The following CLN3 variants were observed in gnomAD, a reference collection of about 807,000 sequenced individuals.
The protein encoded by CLN3 is CLN3 lysosomal/endosomal transmembrane protein, battenin.
A neutral mutation model predicts 60.7 loss-of-function variants in CLN3; 49 were observed. The observed-to-expected ratio is 0.81, with a 90% CI of 0.64 to 1.02. The LOEUF (loss-of-function observed/expected upper bound fraction) is 1.02. Among genes scored for constraint, CLN3 ranks in the 50% least tolerant of loss-of-function variants. The probability of loss-of-function intolerance (pLI) is 0.00; values close to 1 mark genes in which losing one functional copy is unlikely to be tolerated. For synonymous variants in CLN3, 256 were observed against 245.8 expected (o/e 1.04, Z -0.39); for missense variants, 516 against 557.4 (o/e 0.93, Z 0.75).
In CLN3 at chr16:28,487,494, A is replaced by G. The variant is rs2046239033; in HGVS notation, c.422T>C (p.Leu141Pro). 1.2e-6 allele frequency: 2 copies of G among 1,614,030 alleles called. No individual in the cohort carries two copies. The highest frequency in any genetic ancestry group is 1.7e-6 in the Non-Finnish European group (2 of 1,180,004). ...CCCCACAGAATGAGAAAAGGCAACC[A>G]GGACGAAGCTTCCAGCAGCACAAAT... is the stretch of plus-strand genomic sequence containing the variant. ...SGICAAGSFVLVAFSHSVGTS... is the reference protein window; with the variant it reads ...SGICAAGSFVPVAFSHSVGTS... The change falls in exon 7 of 16, where the codon CTG becomes CCG. Residue 141 changes from leucine (L) to proline (P), a missense_variant. By Grantham distance (98) the Leu-to-Pro change is moderately conservative. Transcript: ENST00000636147.
chr16:28,477,782 C>G lies in CLN3; in HGVS notation c.1152G>C (p.Leu384=), dbSNP rs762171432. The change falls in exon 15 of 16, where the codon CTG becomes CTC. Residue 384 remains leucine (L), a synonymous_variant. Coordinates refer to ENST00000636147, the MANE Select transcript of CLN3 (RefSeq NM_001042432.2). ...VFLIILYEGL[L]GGAAYVNTFH... Reference sequence around the variant, plus strand: ...AGGTGTTCACGTAGGCTGCGCCTCCCAGGAGCCCCTCATACAGAATGATCA... The same window carrying G: ...AGGTGTTCACGTAGGCTGCGCCTCCGAGGAGCCCCTCATACAGAATGATCA... 6.2e-7 allele frequency: 1 copy of G among 1,614,226 alleles called. No individual in the cohort carries two copies. The highest frequency in any genetic ancestry group is 8.5e-7 in the Non-Finnish European group (1 of 1,180,044).
downstream of CLN3, among the ~76,000 whole-genome samples, chr16:28,472,990 T>G (rs958490237): frequency 6.6e-6 from 1 of 151,752 alleles, no homozygotes; most frequent in Non-Finnish European, 1.5e-5. Flanking sequence ...CACATTGGGG[T>G]GCAGTGGTAT....
chr16:28,485,185 C>T (rs1426870649), intron 9 of CLN3, among the ~76,000 whole-genome samples: 2 of 148,100 alleles, frequency 1.4e-5, no homozygotes, highest in African/African-American at 4.9e-5. Context: ...CCTCGTGGTG[C>T]GCCCGCCTCG....
chr16:28,483,971 A>G, intron 10 of CLN3, 35 bp downstream of exon 10: 1 of 1,493,604 alleles, frequency 6.7e-7, no homozygotes, highest in Non-Finnish European at 9.2e-7. Flanking sequence ...CCAGAGAGAA[A>G]GAAAGTGACC....
chr16:28,486,328 C>T lies in CLN3; in HGVS notation c.677+19G>A, dbSNP rs367594758. ...TTCTCTCCTTGGACCCCTCTCCCTC[C>T]CGGCTCAGGGCAGCTCACCTGGCCA... On this transcript the variant is annotated intron_variant, in intron 9 of 15. Coordinates refer to ENST00000636147, the MANE Select transcript of CLN3 (RefSeq NM_001042432.2). The T allele has an allele frequency of 1.4e-5, 22 of 1,611,450 alleles. No individual in the cohort carries two copies. The highest frequency in any genetic ancestry group is 1.3e-4 in the East Asian group (6 of 44,898).
chr16:28,487,155 C>A (rs1031261379), intron 7 of CLN3: 47 of 474,278 alleles, frequency 9.9e-5, no homozygotes, highest in Non-Finnish European at 1.5e-4. Context: ...AGGTGATCTG[C>A]CTGCCTTGGC....
Position 28,484,024 on chromosome 16 carries a change from C to T in CLN3, c.772G>A (p.Ala258Thr). Residue 258 changes from alanine to threonine, a missense_variant, in exon 10 of 16, where the codon GCC becomes ACC. Physicochemically the swap from Ala to Thr is moderately conservative, Grantham distance 58. Coordinates refer to ENST00000636147, the MANE Select transcript of CLN3 (RefSeq NM_001042432.2). ...CTCCTACCTGGCTTCGACTCCGGGG[C>T]CTCGGTTCTTATGAGGGGCTGCCGG... is the stretch of plus-strand genomic sequence containing the variant. Reference protein sequence around the residue: ...AARQPLIRTEAPESKPGSSSS... With the variant: ...AARQPLIRTETPESKPGSSSS... 18 of 1,610,394 alleles carry T rather than the reference C, an allele frequency of 1.1e-5. No individual in the cohort carries two copies. Among genetic ancestry groups the T allele is most frequent in the Non-Finnish European group, 1.5e-5 (18 of 1,178,458 alleles).
chr16:28,473,339 C>T (rs1040370984), downstream of CLN3, among the ~76,000 whole-genome samples: 4 of 152,182 alleles, frequency 2.6e-5, no homozygotes, highest in Non-Finnish European at 5.9e-5. Flanking sequence ...GTCCTCCTGC[C>T]TCCCAGAATG....
chr16:28,478,059 A>AGGCTGAGGTGGGCAGATC (rs2046026774), intron 14 of CLN3, among the ~76,000 whole-genome samples, 182 bp from the exon 15 acceptor site: 1 of 152,138 alleles, frequency 6.6e-6, no homozygotes, highest in Non-Finnish European at 1.5e-5. Flanking sequence ...GCACTTTGGG[A>AGGCTGAGGTGGGCAGATC]GGCTGAGGTG....
chr16:28,479,986 T>G (rs2520424), intron 14 of CLN3, among the ~76,000 whole-genome samples: 1 of 152,070 alleles, frequency 6.6e-6, no homozygotes, highest in African/African-American at 2.4e-5. Flanking sequence ...TCTTTTTTTT[T>G]GAGATAGGGT....
intron 1 of CLN3, 75 bp from the exon 2 acceptor site, chr16:28,491,910 G>T: frequency 2.0e-6 from 2 of 1,014,242 alleles, no homozygotes; most frequent in Non-Finnish European, 3.0e-6. Context: ...CGCGCCCCGC[G>T]ATCCATCAAG....
chr16:28,489,272 T>C lies in CLN3; in HGVS notation c.222+18A>G, dbSNP rs1229761681. The C allele has an allele frequency of 1.3e-6, 2 of 1,583,532 alleles. No homozygotes were observed. The highest frequency in any genetic ancestry group is 2.7e-5 in the African/African-American group (2 of 74,296). On this transcript the variant is annotated intron_variant, in intron 4 of 15. Coordinates refer to ENST00000636147, the MANE Select transcript of CLN3 (RefSeq NM_001042432.2). ...CCACAGGGACTAACCATGGTGGTGG[T>C]GGTAGAGAGTCACTTACATGGCTCT...
chr16:28,491,813 G>T lies in CLN3; in HGVS notation c.-54C>A, dbSNP rs1050378114. 2.5e-6 allele frequency: 4 copies of T among 1,602,140 alleles called. No homozygotes were observed. Among genetic ancestry groups the T allele is most frequent in the African/African-American group, 2.7e-5 (2 of 74,652 alleles). On this transcript the variant is annotated 5_prime_UTR_variant, in exon 2 of 16. Transcript: ENST00000636147. Reference sequence around the variant, plus strand: ...CAGGGTCATAGAGTGTCCAAAGGGGGCTCCCACGGGAGGGATGAGGGTCTG... The same window carrying T: ...CAGGGTCATAGAGTGTCCAAAGGGGTCTCCCACGGGAGGGATGAGGGTCTG...
intron 10 of CLN3, 29 bp downstream of exon 10, chr16:28,483,977 T>C: frequency 6.6e-7 from 1 of 1,513,578 alleles, no homozygotes; most frequent in Non-Finnish European, 9.1e-7. Context: ...AGAAAGAAAG[T>C]GACCTCTCTG....
chr16:28,473,927 C>T (rs1166431406), downstream of CLN3, among the ~76,000 whole-genome samples: 3 of 151,362 alleles, frequency 2.0e-5, no homozygotes, highest in Non-Finnish European at 4.4e-5. Flanking sequence ...ACTAGAAAGG[C>T]TATAATAAAA....
At position 28,489,294 on chromosome 16, in the gene CLN3, C is replaced by T. The variant is rs2046273337; in HGVS notation, c.218G>A (p.Ser73Asn). The part of the protein sequence containing the change: ...LSHKRTSGNQ[S>N]HVDPGPTPIP... ...TGGTGGTAGAGAGTCACTTACATGG[C>T]TCTGGTTTCCCGATGTCCTCTTGTG... Residue 73 changes from serine to asparagine, a missense_variant, in exon 4 of 16, where the codon AGC becomes AAC. Coordinates refer to ENST00000636147, the MANE Select transcript of CLN3 (RefSeq NM_001042432.2). 1.2e-6 allele frequency: 2 copies of T among 1,611,532 alleles called. No homozygotes were observed. Among genetic ancestry groups the T allele is most frequent in the Admixed American group, 1.7e-5 (1 of 59,776 alleles).
chr16:28,468,705 G>A, the CLN3 span, among the ~76,000 whole-genome samples: 2 of 138,072 alleles, frequency 1.4e-5, no homozygotes, highest in Admixed American at 1.6e-4. Flanking sequence ...TACTTGGGAG[G>A]CTGAGGCAGA....
At chr16:28,482,440 C>A (rs777294509) in intron 12 of CLN3, 37 bp downstream of exon 12, 40 of 1,613,570 alleles carry the variant, frequency 2.5e-5, no homozygotes, top group Non-Finnish European at 3.1e-5. Flanking sequence ...CAGCCCCAAT[C>A]GCCACCTCCA....
rs768614719 is a variant in CLN3, at chr16:28,477,775, C to T, written c.1159G>A (p.Ala387Thr). Residue 387 changes from alanine (A) to threonine (T), a missense_variant, in exon 15 of 16, where the codon GCA (alanine) becomes ACA (threonine). Physicochemically the swap from Ala to Thr is moderately conservative, Grantham distance 58 (BLOSUM62 0). Coordinates refer to ENST00000636147, the MANE Select transcript of CLN3 (RefSeq NM_001042432.2). ...IILYEGLLGG[A>T]AYVNTFHNIA... ...TTGTGGAAGGTGTTCACGTAGGCTGCGCCTCCCAGGAGCCCCTCATACAGA... is the reference window on the plus strand; with the variant it reads ...TTGTGGAAGGTGTTCACGTAGGCTGTGCCTCCCAGGAGCCCCTCATACAGA... 9.9e-6 allele frequency: 16 copies of T among 1,614,114 alleles called. No individual in the cohort carries two copies. The highest frequency in any genetic ancestry group is 2.2e-5 in the East Asian group (1 of 44,880).
Sources: allele counts gnomAD v4.1 joint callset (sites outside exome capture counted in the v4.1 genomes callset), GRCh38; gene constraint gnomAD v4.1.1; transcripts MANE v1.5; gene names NCBI Gene and HGNC (gene_info 2026-07-23, HGNC 2026-07-21).